Variants in CARS2 observed in about 807,000 individuals in gnomAD.
CARS2 encodes the protein probable cysteine--tRNA ligase, mitochondrial.
Under a neutral mutation model 68.8 loss-of-function variants are expected in CARS2, and 52 were observed. That is an observed-to-expected ratio of 0.76 (90% CI 0.61 to 0.95). The LOEUF is 0.95. Among genes scored for constraint, CARS2 ranks in the 40% least tolerant of loss-of-function variants. CARS2 has a pLI of 0.00. For synonymous variants in CARS2, 314 were observed against 303.6 expected, an observed-to-expected ratio of 1.03 and a Z score of -0.36; for missense variants, 780 against 754.2, an observed-to-expected ratio of 1.03 and a Z score of -0.40.
intron 10 of CARS2, among the ~76,000 whole-genome samples, chr13:110,649,932 T>TG (rs369970254): frequency 0.038 from 50 of 1,304 alleles, no homozygotes; most frequent in Middle Eastern, 0.25. Context: ...GGATAACGAC[T>TG]TTTTTTTTTT....
chr13:110,706,213 C>T (rs938912217), upstream of CARS2: 3 of 693,538 alleles, frequency 4.3e-6, no homozygotes, highest in Non-Finnish European at 5.8e-6. Context: ...CACGCCCACT[C>T]CCGGAAGCAG....
chr13:110,705,869 C>T lies in CARS2; in HGVS notation c.224+1G>A, dbSNP rs1003016654. ...CCGTGCCCCAGTCCCGCGCGGCCCA[C>T]CAGGAGGCGGCTTCGGCGTGCGCCA... On this transcript the variant is annotated splice_donor_variant, in intron 1 of 14. Coordinates refer to ENST00000257347, the MANE Select transcript of CARS2 (RefSeq NM_024537.4). LOFTEE classifies it high-confidence loss of function. The surrounding 1 kb of genome is among the most constrained non-coding windows in gnomAD (Gnocchi z 4.0). 8 of 1,556,402 alleles carry T rather than the reference C, an allele frequency of 5.1e-6. No homozygotes were observed. Among genetic ancestry groups the T allele is most frequent in the Non-Finnish European group, 6.9e-6 (8 of 1,153,110 alleles).
intron 7 of CARS2, among the ~76,000 whole-genome samples, chr13:110,674,178 A>C (rs934184752): frequency 4.6e-5 from 7 of 152,190 alleles, no homozygotes; most frequent in Non-Finnish European, 5.9e-5. Context: ...TCAAGCTACC[A>C]ATGACTTTTC....
intron 6 of CARS2, among the ~76,000 whole-genome samples, chr13:110,680,757 CA>C (rs1188963978): frequency 6.6e-6 from 1 of 152,166 alleles, no homozygotes; most frequent in Non-Finnish European, 1.5e-5. Context: ...GGGAAGAAGC[CA>C]GGGGAGGAAC....
chr13:110,706,910 CAT>C (rs2063973014), upstream of CARS2, among the ~76,000 whole-genome samples: 1 of 151,318 alleles, frequency 6.6e-6, no homozygotes, highest in East Asian at 1.9e-4. Flanking sequence ...TGCAACCCAG[CAT>C]ACAGTCTGCA....
rs141708156 is a variant in CARS2, at chr13:110,685,454, G to A, written c.571+2267C>T. 4.9e-4 allele frequency among the ~76,000 whole-genome samples: 75 copies of A among 152,350 alleles called. No individual in the cohort carries two copies. In the East Asian group the frequency reaches 0.013, roughly 26 times the overall value. ...TTACGCTCCAAGTAGGACCCAGGAA[G>A]GACAGGAACGTCCAGGGCAGTGCTT... On this transcript the variant is annotated intron_variant, in intron 5 of 14. Transcript: ENST00000257347.
chr13:110,668,319 G>T lies in CARS2; in HGVS notation c.786-846C>A, dbSNP rs375157518. ...AGCACTTTGGGAGGCTGAGGCAGGC[G>T]GATCACAAGGTCAGGAGATCGAGAC... On this transcript the variant is annotated intron_variant, in intron 7 of 14. Transcript: ENST00000257347. The surrounding 1 kb of genome is among the most constrained non-coding windows in gnomAD (Gnocchi z 4.1). 6.6e-6 allele frequency among the ~76,000 whole-genome samples: 1 copy of T among 152,148 alleles called. No individual in the cohort carries two copies. The highest frequency in any genetic ancestry group is 1.5e-5 in the Non-Finnish European group (1 of 68,034).
chr13:110,646,290 A>G lies in CARS2; in HGVS notation c.1194-200T>C, dbSNP rs1888107328. ...TGCAAACTGTCATGTTACCCCAAGAAAAAGTCCCAGAGCAGAGGTCACCTG... is the reference window on the plus strand; with the variant it reads ...TGCAAACTGTCATGTTACCCCAAGAGAAAGTCCCAGAGCAGAGGTCACCTG... On this transcript the variant is annotated intron_variant, in intron 11 of 14. Coordinates refer to ENST00000257347, the MANE Select transcript of CARS2 (RefSeq NM_024537.4). The G allele has an allele frequency of 1.1e-5, 6 of 559,626 alleles. No individual in the cohort carries two copies. The South Asian group carries it at 1.6e-4, about 14-fold the overall frequency. The allele number at this position is 559,626 out of a possible 1,614,324, so 34.7% of individuals were successfully genotyped here.
rs778693201 is a variant in CARS2, at chr13:110,650,999, G to A, written c.1054+35C>T. 36 of 1,418,444 alleles carry A rather than the reference G, an allele frequency of 2.5e-5. 1 individual carries two copies. The highest frequency in any genetic ancestry group is 3.2e-5 in the Non-Finnish European group (33 of 1,030,962). The allele number at this position is 1,418,444 out of a possible 1,614,324, so 87.9% of individuals were successfully genotyped here. A position where few individuals can be genotyped will look rare whatever the true frequency, so the allele number is the denominator to read the frequency against. On this transcript the variant is annotated intron_variant, in intron 10 of 14. Transcript: ENST00000257347. ...CTGTCAGAATGACTGTCTCCGAGCT[G>A]GGGGGGGAGTCCACTCCACGTGTGC...
intron 10 of CARS2, chr13:110,649,282 C>T (rs1282920811): frequency 6.6e-6 from 1 of 152,288 alleles, no homozygotes; most frequent in East Asian, 1.9e-4. Flanking sequence ...GAGGTTCAGA[C>T]CACGTCTCAG....
chr13:110,680,538 C>T (rs1355190505), intron 6 of CARS2, among the ~76,000 whole-genome samples: 6 of 152,352 alleles, frequency 3.9e-5, no homozygotes, highest in South Asian at 2.1e-4. Flanking sequence ...AGAGCCCTTA[C>T]GTGTCTCCTG....
rs1165019088 is a variant in CARS2 at position 110,676,573 on chromosome 13, G to A, written c.785+401C>T. ...TCCGCCACAGAGCACCCTGGCATGC[G>A]AGTTGCCTGAGCTAGAAGAGCTGGC... On this transcript the variant is annotated intron_variant, in intron 7 of 14. Coordinates refer to ENST00000257347, the MANE Select transcript of CARS2 (RefSeq NM_024537.4). The surrounding 1 kb of genome is among the most constrained non-coding windows in gnomAD (Gnocchi z 4.0). 6.6e-6 allele frequency among the ~76,000 whole-genome samples: 1 copy of A among 152,148 alleles called. No homozygotes were observed. The highest frequency in any genetic ancestry group is 1.5e-5 in the Non-Finnish European group (1 of 68,020).
intron 10 of CARS2, among the ~76,000 whole-genome samples, chr13:110,647,712 C>T (rs1173113142): frequency 6.6e-6 from 1 of 152,246 alleles, no homozygotes; most frequent in Non-Finnish European, 1.5e-5. Context: ...AGGAGCAGTC[C>T]CCAGACCTGG....
intron 7 of CARS2, among the ~76,000 whole-genome samples, chr13:110,671,414 G>A (rs1211904): frequency 2.0e-5 from 3 of 152,240 alleles, no homozygotes; most frequent in African/African-American, 7.2e-5. Flanking sequence ...AATATTCAAC[G>A]TTCTTAAAGA....
chr13:110,647,187 C>T lies in CARS2; in HGVS notation c.1107G>A (p.Gly369=), dbSNP rs1030991366. The part of the protein sequence containing the change: ...AMLQAQQLLL[G]LGSFLEDARA... ...GTGCGTCCTCCAGGAAAGAGCCCAG[C>T]CCCAGGAGCAGCTGCTGAGCTTGGA... is the stretch of plus-strand genomic sequence containing the variant. The change falls in exon 11 of 15, where the codon GGG becomes GGA. Residue 369 remains glycine, a synonymous_variant. Transcript: ENST00000257347. 1.9e-6 allele frequency: 3 copies of T among 1,613,248 alleles called. No individual in the cohort carries two copies. The highest frequency in any genetic ancestry group is 2.5e-6 in the Non-Finnish European group (3 of 1,179,874).
At chr13:110,692,907 C>T (rs182677259) in intron 3 of CARS2, among the ~76,000 whole-genome samples, 184 of 151,840 alleles carry the variant, frequency 1.2e-3, no homozygotes, top group Admixed American at 0.011. Flanking sequence ...GTCAGGAGTT[C>T]GAGACCAGTC....
intron 5 of CARS2, among the ~76,000 whole-genome samples, chr13:110,683,536 C>T (rs1291781741): frequency 1.3e-5 from 2 of 152,222 alleles, no homozygotes; most frequent in Non-Finnish European, 1.5e-5. Context: ...TCTCTGTAAA[C>T]TACTGAGACA....
At chr13:110,641,874 C>T (rs1332668186) in intron 14 of CARS2, among the ~76,000 whole-genome samples, 1 of 152,234 alleles carries the variant, frequency 6.6e-6, no homozygotes, top group Non-Finnish European at 1.5e-5. Context: ...TCACGGCCCT[C>T]CCACCTCATT....
upstream of CARS2, among the ~76,000 whole-genome samples, chr13:110,710,201 A>T (rs995050809): frequency 6.6e-6 from 1 of 152,152 alleles, no homozygotes; most frequent in Non-Finnish European, 1.5e-5. Context: ...GGCCAACATG[A>T]CAAAACTCCG....
Sources: allele counts gnomAD v4.1 joint callset (sites outside exome capture counted in the v4.1 genomes callset), GRCh38; gene constraint gnomAD v4.1.1; non-coding constraint Gnocchi (gnomAD v3.1); transcripts MANE v1.5; gene names NCBI Gene and HGNC (gene_info 2026-07-23, HGNC 2026-07-21).